Variants in CBR4 observed in about 807,000 individuals in gnomAD.
CBR4 encodes 3-oxoacyl-[acyl-carrier-protein] reductase.
CBR4 carries 22 observed loss-of-function variants against 21.0 expected under a neutral mutation model. The observed-to-expected ratio is 1.05, with a 90% CI of 0.75 to 1.50. The LOEUF (loss-of-function observed/expected upper bound fraction) is 1.50. Ranked by LOEUF, CBR4 falls within the 40% of genes most tolerant of loss-of-function variation. The pLI, the probability that CBR4 is intolerant of heterozygous loss-of-function variation, is 0.00. For missense variants in CBR4, 302 were observed against 286.3 expected (o/e 1.05, Z -0.40); for synonymous variants, 100 against 104.4 (o/e 0.96, Z 0.26).
intron 2 of CBR4, among the ~76,000 whole-genome samples, chr4:168,899,074 C>T (rs1755878543): frequency 1.3e-5 from 2 of 152,138 alleles, no homozygotes; most frequent in South Asian, 4.1e-4. Flanking sequence ...TGCATATGAA[C>T]CCAGTGCTCT....
chr4:168,927,382 G>T (rs1762697395), intron 2 of CBR4: 1 of 232,866 alleles, frequency 4.3e-6, no homozygotes, highest in East Asian at 6.0e-5. Context: ...CCAGCTGGAA[G>T]TGTGGAGCAC....
At chr4:168,921,987 C>T (rs1191194322) in intron 2 of CBR4, among the ~76,000 whole-genome samples, 1 of 151,880 alleles carries the variant, frequency 6.6e-6, no homozygotes, top group African/African-American at 2.4e-5. Flanking sequence ...CATTCGACCT[C>T]CTGTGTGTAT....
At chr4:168,959,915 TA>T (rs1203785405) in intron 2 of CBR4, among the ~76,000 whole-genome samples, 3 of 151,522 alleles carry the variant, frequency 2.0e-5, no homozygotes, top group Non-Finnish European at 4.4e-5. Flanking sequence ...ATTTGAATAG[TA>T]CTGAATTTAT....
chr4:168,926,098 T>C lies in CBR4; in HGVS notation n.170-31333A>G, dbSNP rs1762536081. The C allele has an allele frequency of 6.2e-6, 5 of 806,470 alleles. No homozygotes were observed. In the South Asian group the frequency reaches 1.2e-4, roughly 20 times the overall value. The allele number at this position is 806,470 out of a possible 1,614,324, so 50.0% of individuals were successfully genotyped here. On this transcript the variant is annotated intron_variant and non_coding_transcript_variant, in intron 2 of 3. Transcript: ENST00000509108. ...TCCTAAATTTTCCATGTTTCTACCA[T>C]GGATGTGTTCAGGTGCCTTGCATCT...
intron 2 of CBR4, chr4:168,924,809 T>G: frequency 1.2e-6 from 1 of 834,654 alleles, no homozygotes. Context: ...GCTAGTAATC[T>G]CTACAGAATA....
intron 3 of CBR4, among the ~76,000 whole-genome samples, chr4:169,006,346 A>G (rs1730911046): frequency 1.3e-5 from 2 of 152,202 alleles, no homozygotes; most frequent in Non-Finnish European, 2.9e-5. Context: ...ATTTAAAAAA[A>G]AAAAAATTCA....
At chr4:168,905,689 C>T (rs1447714515) in intron 2 of CBR4, among the ~76,000 whole-genome samples, 1 of 151,810 alleles carries the variant, frequency 6.6e-6, no homozygotes, top group Non-Finnish European at 1.5e-5. Context: ...ACATGACCAT[C>T]ACCCTGAAAA....
At chr4:168,944,644 C>T (rs1763354321) in intron 2 of CBR4, among the ~76,000 whole-genome samples, 1 of 152,074 alleles carries the variant, frequency 6.6e-6, no homozygotes, top group Non-Finnish European at 1.5e-5. Flanking sequence ...TATACATTTT[C>T]ATAAACTGTA....
At chr4:168,987,205 T>C (rs1764720333), downstream of CBR4, among the ~76,000 whole-genome samples, 1 of 152,200 alleles carries the variant, frequency 6.6e-6, no homozygotes, top group East Asian at 1.9e-4. Flanking sequence ...GTCGATTCAC[T>C]TTGCAAATTC....
chr4:168,917,210 A>G (rs1760352966), intron 2 of CBR4, among the ~76,000 whole-genome samples: 1 of 151,034 alleles, frequency 6.6e-6, no homozygotes, highest in South Asian at 2.1e-4. Context: ...CACCACGCCC[A>G]GTTAATTTTT....
intron 2 of CBR4, among the ~76,000 whole-genome samples, chr4:168,969,768 T>C (rs2126752393): frequency 6.6e-6 from 1 of 152,334 alleles, no homozygotes; most frequent in African/African-American, 2.4e-5. Flanking sequence ...ACTGAAATTG[T>C]AGTCCACAGA....
chr4:168,948,902 AATG>A (rs1256884308), intron 2 of CBR4, among the ~76,000 whole-genome samples: 1 of 152,130 alleles, frequency 6.6e-6, no homozygotes, highest in Non-Finnish European at 1.5e-5. Flanking sequence ...TTCTGTGAAG[AATG>A]ATGGTGGTAT....
intron 1 of CBR4, chr4:169,008,841 A>G (rs1274325928): frequency 1.3e-5 from 5 of 392,326 alleles, no homozygotes; most frequent in African/African-American, 2.1e-5. Context: ...TCCCTGACCT[A>G]TAACTTACAG....
Position 168,924,214 on chromosome 4 carries a change from T to C in CBR4, n.170-29449A>G, listed in dbSNP as rs1031605219. 7.0e-6 allele frequency: 11 copies of C among 1,567,720 alleles called. No individual in the cohort carries two copies. The African/African-American group carries it at 1.5e-4, about 21-fold the overall frequency. ...TTCTGAATTCTTTCTAGTGCTCCTT[T>C]TGTATATCATTGATAGAGAATTCAT... On this transcript the variant is annotated intron_variant and non_coding_transcript_variant, in intron 2 of 3. Transcript: ENST00000509108.
intron 2 of CBR4, among the ~76,000 whole-genome samples, chr4:168,923,051 G>A (rs1231617875): frequency 1.3e-5 from 2 of 152,238 alleles, no homozygotes; most frequent in Non-Finnish European, 2.9e-5. Context: ...AAATGTGTAT[G>A]AAGCTCTGCA....
downstream of CBR4, among the ~76,000 whole-genome samples, chr4:168,982,819 T>C (rs962043034): frequency 2.0e-5 from 3 of 152,190 alleles, no homozygotes; most frequent in Non-Finnish European, 4.4e-5. Context: ...TGAATGACTT[T>C]TGGGTAAACA....
chr4:168,986,156 A>G (rs2126793950), downstream of CBR4, among the ~76,000 whole-genome samples: 1 of 152,302 alleles, frequency 6.6e-6, no homozygotes, highest in African/African-American at 2.4e-5. Context: ...TATAACAGCT[A>G]TTTTCATTGC....
intron 2 of CBR4, among the ~76,000 whole-genome samples, chr4:168,909,975 G>A (rs1388072258): frequency 6.6e-6 from 1 of 152,122 alleles, no homozygotes; most frequent in Non-Finnish European, 1.5e-5. Flanking sequence ...CAATAACACT[G>A]TATAAATCAA....
At chr4:168,924,546 A>C in intron 2 of CBR4, 3 of 1,007,104 alleles carry the variant, frequency 3.0e-6, no homozygotes, top group Non-Finnish European at 4.6e-6. Context: ...TTTTGATGAA[A>C]TCAATCAAAG....
Sources: gnomAD v4.1 joint callset for allele counts (sites outside exome capture counted in the v4.1 genomes callset) on GRCh38, gnomAD v4.1.1 for gene constraint, MANE v1.5 for transcripts, NCBI Gene and HGNC (gene_info 2026-07-23, HGNC 2026-07-21) for gene names.